FBRSL1: variants seen among roughly 807,000 people sequenced by gnomAD.
FBRSL1 encodes the protein fibrosin like 1.
A neutral mutation model predicts 89.6 loss-of-function variants in FBRSL1; 51 were observed. The ratio of observed to expected loss-of-function variants is 0.57; its 90% confidence interval spans 0.45 to 0.72. The LOEUF (loss-of-function observed/expected upper bound fraction) is 0.72, where lower values mean the gene tolerates loss of function less well. FBRSL1 is among the 30% of genes least tolerant of loss of function. The pLI is 0.00. For synonymous variants in FBRSL1, 779 were observed against 681.1 expected (o/e 1.14, Z -2.24); for missense variants, 1,618 against 1,451.8 (o/e 1.11, Z -1.86).
At chr12:132,561,356 T>C (rs999593967) in intron 5 of FBRSL1, among the ~76,000 whole-genome samples, 1 of 152,066 alleles carries the variant, frequency 6.6e-6, no homozygotes, top group African/African-American at 2.4e-5. Context: ...GGGCGCCCCC[T>C]TGTGGCCCTG....
intron 5 of FBRSL1, among the ~76,000 whole-genome samples, chr12:132,559,238 C>G (rs1352477990): frequency 6.6e-6 from 1 of 152,216 alleles, no homozygotes; most frequent in Non-Finnish European, 1.5e-5. Context: ...CAGCCGTTTG[C>G]AGCTACAGCA....
intron 2 of FBRSL1, among the ~76,000 whole-genome samples, chr12:132,525,179 G>T (rs1429300005): frequency 6.6e-6 from 1 of 152,250 alleles, no homozygotes; most frequent in East Asian, 1.9e-4. Context: ...GGTCAGGCAG[G>T]TCCCACCACC....
chr12:132,541,420 C>T (rs1243967033), intron 4 of FBRSL1, among the ~76,000 whole-genome samples: 1 of 152,076 alleles, frequency 6.6e-6, no homozygotes, highest in Non-Finnish European at 1.5e-5. Flanking sequence ...AGCAGCCCCG[C>T]CAGAGGTCAT....
intron 4 of FBRSL1, among the ~76,000 whole-genome samples, chr12:132,544,262 C>T (rs1171922466): frequency 6.6e-6 from 1 of 152,102 alleles, no homozygotes; most frequent in Admixed American, 6.5e-5. Context: ...TGGTGAGGTC[C>T]GACAGACTCA....
At chr12:132,582,585 G>A (rs2040850548) in intron 18 of FBRSL1, among the ~76,000 whole-genome samples, 1 of 151,798 alleles carries the variant, frequency 6.6e-6, no homozygotes, top group Non-Finnish European at 1.5e-5. Flanking sequence ...GATGAGGAGG[G>A]TGAAGACCCC....
At chr12:132,514,489 A>G (rs1431316226) in intron 2 of FBRSL1, among the ~76,000 whole-genome samples, 1 of 152,224 alleles carries the variant, frequency 6.6e-6, no homozygotes, top group African/African-American at 2.4e-5. Context: ...CTGCAGTGAT[A>G]GGGGACATCC....
intron 2 of FBRSL1, among the ~76,000 whole-genome samples, chr12:132,524,344 C>A (rs1439615528): frequency 2.0e-5 from 3 of 152,382 alleles, no homozygotes; most frequent in Middle Eastern, 3.4e-3. Flanking sequence ...TGCTACTGTG[C>A]GGCTTGATGG....
intron 14 of FBRSL1, among the ~76,000 whole-genome samples, chr12:132,575,377 G>A (rs1485979609): frequency 2.6e-5 from 4 of 152,206 alleles, no homozygotes; most frequent in Admixed American, 2.6e-4. Context: ...ACAGGCGACC[G>A]TCACCACACC....
At chr12:132,565,065 CCCCATCT>C (rs1204241939) in intron 5 of FBRSL1, 1 of 152,220 alleles carries the variant, frequency 6.6e-6, no homozygotes, top group Non-Finnish European at 1.5e-5. Context: ...AGCACAGAAC[CCCCATCT>C]CCCAGCACCC....
intron 1 of FBRSL1, among the ~76,000 whole-genome samples, chr12:132,502,422 G>A (rs972853866): frequency 3.9e-5 from 6 of 152,202 alleles, no homozygotes; most frequent in Non-Finnish European, 8.8e-5. Context: ...GTGAGACTGC[G>A]GGCCACAGCC....
At chr12:132,560,876 A>G (rs2137622744) in intron 5 of FBRSL1, among the ~76,000 whole-genome samples, 1 of 152,342 alleles carries the variant, frequency 6.6e-6, no homozygotes, top group East Asian at 1.9e-4. Flanking sequence ...CCTGCAGACC[A>G]TGGCCGAGAA....
chr12:132,575,209 A>G (rs548485577), intron 14 of FBRSL1, among the ~76,000 whole-genome samples: 2 of 152,104 alleles, frequency 1.3e-5, no homozygotes, highest in South Asian at 4.2e-4. Context: ...TTGGGACGGG[A>G]CTCAGAGCAG....
intron 5 of FBRSL1, chr12:132,560,269 C>T (rs1386356844): frequency 6.6e-6 from 1 of 151,930 alleles, no homozygotes; most frequent in Non-Finnish European, 1.5e-5. Flanking sequence ...GGAATTGGGA[C>T]TTTGGGGGGA....
chr12:132,533,510 C>G (rs1178675609), intron 4 of FBRSL1, among the ~76,000 whole-genome samples: 1 of 152,284 alleles, frequency 6.6e-6, no homozygotes, highest in Non-Finnish European at 1.5e-5. Flanking sequence ...AACCTCTGAG[C>G]ATAGAAGGGT....
chr12:132,557,790 A>G (rs1157829456), intron 5 of FBRSL1, among the ~76,000 whole-genome samples: 2 of 152,032 alleles, frequency 1.3e-5, no homozygotes, highest in Non-Finnish European at 2.9e-5. Context: ...CAGCAGGGAG[A>G]GTGGGCACAG....
chr12:132,548,022 C>T lies in FBRSL1; in HGVS notation c.635C>T (p.Pro212Leu), dbSNP rs975985761. The change falls in exon 5 of 19, where the codon CCG becomes CTG. Residue 212 changes from proline (P) to leucine (L), a missense_variant. Physicochemically the swap from Pro to Leu is moderately conservative, Grantham distance 98. Transcript: ENST00000680143. ...RGYSCDSESG[P>L]DDKASVGSEK... ...CTGCAGTGTGACAGCGAGAGCGGCC[C>T]GGACGACAAGGTAAGCCCAGCGTCC... 1.7e-5 allele frequency: 27 copies of T among 1,550,052 alleles called. No homozygotes were observed. The highest frequency in any genetic ancestry group is 2.7e-5 in the African/African-American group (2 of 73,030).
chr12:132,581,941 C>T (rs2040784167), intron 17 of FBRSL1, 117 bp downstream of exon 17: 1 of 1,289,474 alleles, frequency 7.8e-7, no homozygotes, highest in African/African-American at 1.5e-5. Flanking sequence ...GCTGGGCCTC[C>T]TTGGGGCACC....
intron 1 of FBRSL1, among the ~76,000 whole-genome samples, chr12:132,501,650 C>T (rs549767964): frequency 2.6e-5 from 4 of 152,218 alleles, no homozygotes; most frequent in East Asian, 1.9e-4. Context: ...GAGGGGCTGC[C>T]GTGAGCAAAT....
rs943182495 is a variant in FBRSL1 at position 132,571,215 on chromosome 12, G to A, written c.1361G>A (p.Arg454Gln). The A allele has an allele frequency of 7.6e-6, 11 of 1,444,998 alleles. No individual in the cohort carries two copies. Among genetic ancestry groups the A allele is most frequent in the South Asian group, 4.3e-5 (3 of 69,938 alleles). 89.5% of individuals were successfully genotyped at this position (1,444,998 alleles called of 1,614,324 possible). ...VASGHPGLAC[R>Q]PRECQFDKYA... The stretch of plus-strand genomic sequence containing the variant: ...AGCGGCCACCCCGGCTTGGCCTGCC[G>A]ACCCCGGGAGTGCCAGGTGACTATC... The change falls in exon 9 of 19, where the codon CGA (arginine) becomes CAA (glutamine). Residue 454 changes from arginine (R) to glutamine (Q), a missense_variant. By Grantham distance (43) the Arg-to-Gln change is conservative (BLOSUM62 1). Coordinates refer to ENST00000680143, the MANE Select transcript of FBRSL1 (RefSeq NM_001367871.1).
Sources: gnomAD v4.1 joint callset for allele counts (sites outside exome capture counted in the v4.1 genomes callset) on GRCh38, gnomAD v4.1.1 for gene constraint, MANE v1.5 for transcripts, NCBI Gene and HGNC (gene_info 2026-07-23, HGNC 2026-07-21) for gene names.